TNNI3K: variants seen among roughly 807,000 people sequenced by gnomAD.
TNNI3K encodes the protein serine/threonine-protein kinase TNNI3K.
TNNI3K carries 140 observed loss-of-function variants against 114.5 expected under a neutral mutation model. The observed-to-expected ratio is 1.22, with a 90% CI of 1.07 to 1.41. The LOEUF (loss-of-function observed/expected upper bound fraction) is 1.41. Among genes scored for constraint, TNNI3K ranks in the 40% most tolerant of loss-of-function variants. The pLI is 0.00. For synonymous variants in TNNI3K, 347 were observed against 347.5 expected, an observed-to-expected ratio of 1.00 and a Z score of 0.02; for missense variants, 1,125 against 1,007.6, an observed-to-expected ratio of 1.12 and a Z score of -1.58.
intron 4 of TNNI3K, among the ~76,000 whole-genome samples, chr1:74,263,735 A>G (rs1478621037): frequency 6.6e-6 from 1 of 152,048 alleles, no homozygotes; most frequent in African/African-American, 2.4e-5. Context: ...AGGAATGGCC[A>G]GATCAGGAAG....
At chr1:74,347,968 G>T (rs1051523206) in intron 9 of TNNI3K, among the ~76,000 whole-genome samples, 2 of 152,136 alleles carry the variant, frequency 1.3e-5, no homozygotes, top group Non-Finnish European at 2.9e-5. Context: ...TCTGATGGTG[G>T]TTTCTTTTGC....
chr1:74,413,980 C>T (rs1170615187), intron 17 of TNNI3K, among the ~76,000 whole-genome samples: 2 of 152,212 alleles, frequency 1.3e-5, no homozygotes, highest in Non-Finnish European at 2.9e-5. Context: ...TTTTCCATGG[C>T]TATTTGCTGT....
At chr1:74,309,138 G>A (rs1219215210) in intron 5 of TNNI3K, among the ~76,000 whole-genome samples, 1 of 151,714 alleles carries the variant, frequency 6.6e-6, no homozygotes, top group Non-Finnish European at 1.5e-5. Context: ...GGAGGCCGAG[G>A]TGGGCGGATC....
At chr1:74,347,503 T>C (rs1266443495) in intron 9 of TNNI3K, among the ~76,000 whole-genome samples, 1 of 152,188 alleles carries the variant, frequency 6.6e-6, no homozygotes, top group Non-Finnish European at 1.5e-5. Flanking sequence ...TATAATCCTC[T>C]GGGTATATAC....
In TNNI3K at chr1:74,338,217, C is replaced by G. The variant is rs181898653; in HGVS notation, c.682+2068C>G. ...ATTTCAGTTGCTTCCCACAGCATCC[C>G]CAATATTTGATATTATATTACTATA... On this transcript the variant is annotated intron_variant, in intron 7 of 24. Coordinates refer to ENST00000326637, the MANE Select transcript of TNNI3K (RefSeq NM_015978.3). Among the ~76,000 whole-genome samples, 274 of 151,712 alleles carry G rather than the reference C, an allele frequency of 1.8e-3. 1 individual carries two copies. Among genetic ancestry groups the G allele is most frequent in the Admixed American group, 3.4e-3 (52 of 15,212 alleles).
At chr1:74,343,503 A>C (rs1660852705) in intron 9 of TNNI3K, among the ~76,000 whole-genome samples, 1 of 152,186 alleles carries the variant, frequency 6.6e-6, no homozygotes, top group Admixed American at 6.5e-5. Context: ...ACTCCATGGA[A>C]AGCTGCCAAA....
intron 21 of TNNI3K, among the ~76,000 whole-genome samples, chr1:74,479,431 G>A (rs1170628924): frequency 1.3e-5 from 2 of 152,086 alleles, no homozygotes; most frequent in Non-Finnish European, 2.9e-5. Context: ...GGAAGTATGG[G>A]CCAAGTTTAC....
At chr1:74,480,976 G>GAAAAAAAAAAA in intron 21 of TNNI3K, 1 of 699,322 alleles carries the variant, frequency 1.4e-6, no homozygotes, top group Non-Finnish European at 2.7e-6. Context: ...CTGCTGTGGG[G>GAAAAAAAAAAA]AAAAAAGCAC....
chr1:74,375,469 T>C (rs1022565873), intron 17 of TNNI3K: 6 of 428,014 alleles, frequency 1.4e-5, no homozygotes, highest in African/African-American at 1.2e-4. Context: ...AGGAATCACA[T>C]AGCTGGAGAC....
intron 23 of TNNI3K, among the ~76,000 whole-genome samples, chr1:74,521,168 G>A (rs1202692305): frequency 1.3e-5 from 2 of 152,164 alleles, no homozygotes; most frequent in African/African-American, 4.8e-5. Flanking sequence ...ATATTTGGAG[G>A]TTGTGTATTG....
chr1:74,246,451 A>G (rs1654558374), intron 2 of TNNI3K, among the ~76,000 whole-genome samples: 1 of 152,196 alleles, frequency 6.6e-6, no homozygotes, highest in South Asian at 2.1e-4. Flanking sequence ...CCATAAATAA[A>G]AAGGGAATGA....
chr1:74,524,471 T>C (rs1646476364), intron 23 of TNNI3K, among the ~76,000 whole-genome samples: 1 of 152,124 alleles, frequency 6.6e-6, no homozygotes. Flanking sequence ...CTGTGGAATC[T>C]CCACACAACT....
At chr1:74,435,006 G>T (rs1334798813) in intron 17 of TNNI3K, among the ~76,000 whole-genome samples, 1 of 151,694 alleles carries the variant, frequency 6.6e-6, no homozygotes, top group African/African-American at 2.4e-5. Context: ...AAGGGTAAAG[G>T]AACATTATGT....
intron 5 of TNNI3K, among the ~76,000 whole-genome samples, chr1:74,308,645 C>T (rs1190503255): frequency 1.3e-5 from 2 of 151,932 alleles, no homozygotes; most frequent in South Asian, 2.1e-4. Context: ...AGAAAAGAAA[C>T]AACTAAAATC....
chr1:74,300,355 C>T (rs773279904), intron 5 of TNNI3K, among the ~76,000 whole-genome samples: 25 of 152,244 alleles, frequency 1.6e-4, no homozygotes, highest in South Asian at 2.1e-4. Flanking sequence ...ATCAGAATCT[C>T]GCTTTCTAAG....
chr1:74,496,855 A>G (rs1232996691), intron 23 of TNNI3K, among the ~76,000 whole-genome samples: 1 of 152,210 alleles, frequency 6.6e-6, no homozygotes, highest in Admixed American at 6.5e-5. Context: ...TACATGGATT[A>G]CATCATGTAA....
At chr1:74,439,818 A>G (rs1281666118) in intron 20 of TNNI3K, among the ~76,000 whole-genome samples, 196 bp downstream of exon 20, 1 of 152,114 alleles carries the variant, frequency 6.6e-6, no homozygotes, top group African/African-American at 2.4e-5. Context: ...TTTCAGACCG[A>G]GACACACAGA....
intron 17 of TNNI3K, among the ~76,000 whole-genome samples, chr1:74,417,883 G>A (rs541910972): frequency 7.1e-4 from 108 of 151,954 alleles, no homozygotes; most frequent in South Asian, 2.9e-3. Context: ...TAAGTAAAAT[G>A]TGGCTGCTAA....
intron 22 of TNNI3K, among the ~76,000 whole-genome samples, chr1:74,491,492 A>G (rs930009931): frequency 2.0e-5 from 3 of 152,160 alleles, no homozygotes; most frequent in African/African-American, 7.2e-5. Flanking sequence ...CGCTCACCTC[A>G]GGCTCCCAAA....
Sources: allele counts gnomAD v4.1 joint callset (sites outside exome capture counted in the v4.1 genomes callset), GRCh38; gene constraint gnomAD v4.1.1; transcripts MANE v1.5; gene names NCBI Gene and HGNC (gene_info 2026-07-23, HGNC 2026-07-21).